RASL12: variants seen among roughly 807,000 people sequenced by gnomAD.
RASL12 encodes the protein ras-like protein family member 12.
In RASL12, 16 loss-of-function variants were observed where a neutral mutation model predicts 22.9. That is an observed-to-expected ratio of 0.70 (90% CI 0.47 to 1.06). The LOEUF is 1.06. RASL12 is among the 50% of genes least tolerant of loss of function. The pLI, the probability that RASL12 is intolerant of heterozygous loss-of-function variation, is 0.00. For missense variants in RASL12, 306 were observed against 353.1 expected, an observed-to-expected ratio of 0.87 and a Z score of 1.07; for synonymous variants, 159 against 152.2, an observed-to-expected ratio of 1.04 and a Z score of -0.33.
chr15:65,064,871 G>A (rs972230331), intron 2 of RASL12, among the ~76,000 whole-genome samples: 14 of 152,224 alleles, frequency 9.2e-5, no homozygotes, highest in African/African-American at 2.7e-4. Flanking sequence ...TGAGATTACA[G>A]GCATTAGCCA....
intron 1 of RASL12, among the ~76,000 whole-genome samples, chr15:65,075,179 C>T (rs1455341412): frequency 6.6e-6 from 1 of 152,232 alleles, no homozygotes; most frequent in Non-Finnish European, 1.5e-5. Flanking sequence ...CCAGTGGCTG[C>T]GGAGGGTGTA....
At position 65,053,543 on chromosome 15, in the gene RASL12, G is replaced by T. The variant is rs2086686403; in HGVS notation, c.*1356C>A. ...CTTGAGTAGTTCACAGCCCCCCTCT[G>T]ACCTCAGCTCCTCCATTTACAGAAT... On this transcript the variant is annotated 3_prime_UTR_variant, in exon 5 of 5. Coordinates refer to ENST00000220062, the MANE Select transcript of RASL12 (RefSeq NM_016563.4). 3.9e-6 allele frequency: 4 copies of T among 1,020,910 alleles called. No homozygotes were observed. The highest frequency in any genetic ancestry group is 4.7e-6 in the Non-Finnish European group (4 of 852,690). 63.2% of individuals were successfully genotyped at this position (1,020,910 alleles called of 1,614,324 possible).
intron 2 of RASL12, among the ~76,000 whole-genome samples, chr15:65,062,328 A>G (rs981899720): frequency 3.3e-5 from 5 of 152,214 alleles, no homozygotes; most frequent in Admixed American, 6.5e-5. Context: ...TTACACAGCC[A>G]GAGCACAGGC....
chr15:65,065,144 C>G, intron 2 of RASL12, 73 bp downstream of exon 2: 1 of 1,465,770 alleles, frequency 6.8e-7, no homozygotes, highest in South Asian at 1.2e-5. Flanking sequence ...CAGTGCCCAC[C>G]CACGGGGTGG....
At chr15:65,059,482 T>C in intron 2 of RASL12, 64 bp from the exon 3 acceptor site, 1 of 1,302,204 alleles carries the variant, frequency 7.7e-7, no homozygotes, top group African/African-American at 1.4e-5. Flanking sequence ...AGCTTCCCTC[T>C]GTGCTAGACC....
the RASL12 span, among the ~76,000 whole-genome samples, chr15:65,045,913 T>A: frequency 6.6e-6 from 1 of 152,056 alleles, no homozygotes; most frequent in South Asian, 2.1e-4. Context: ...CGCCTGTAAT[T>A]CCAGCACTTT....
chr15:65,068,164 G>A (rs555720971), upstream of RASL12: 597 of 1,006,034 alleles, frequency 5.9e-4, 1 homozygote, highest in Non-Finnish European at 6.7e-4. This position sits in a 1 kb window ranked among gnomAD's most constrained non-coding sequence, Gnocchi z 4.2. Flanking sequence ...GGGCCTCGAG[G>A]ACCCTGCCGT....
chr15:65,067,615 T>C (rs1055643029), intron 1 of RASL12, 118 bp downstream of exon 1: 1 of 1,240,850 alleles, frequency 8.1e-7, no homozygotes, highest in South Asian at 1.6e-5. Context: ...GCGACCCTCC[T>C]GGGTGAAGGA....
intron 4 of RASL12, among the ~76,000 whole-genome samples, chr15:65,056,159 G>C (rs2086728769): frequency 6.6e-6 from 1 of 152,162 alleles, no homozygotes; most frequent in Admixed American, 6.5e-5. Context: ...TTGGGGCCAA[G>C]ACTCCACTGG....
At chr15:65,058,283 C>A in intron 4 of RASL12, 144 bp downstream of exon 4, 1 of 645,000 alleles carries the variant, frequency 1.6e-6, no homozygotes, top group Non-Finnish European at 2.3e-6. Flanking sequence ...AACAAACACA[C>A]ACACAAACAA....
At chr15:65,046,179 T>A in the RASL12 span, among the ~76,000 whole-genome samples, 7 of 152,222 alleles carry the variant, frequency 4.6e-5, no homozygotes, top group African/African-American at 1.7e-4. Context: ...CGGGCACCTA[T>A]AATCCCAGCT....
downstream of RASL12, among the ~76,000 whole-genome samples, chr15:65,049,007 C>T (rs1403900996): frequency 2.3e-5 from 2 of 88,608 alleles, no homozygotes; most frequent in African/African-American, 8.9e-5. Flanking sequence ...GAGACTCCGT[C>T]TCAAAAAAAA....
chr15:65,076,645 G>C (rs765621928), exon 1 of RASL12: 1 of 711,976 alleles, frequency 1.4e-6, no homozygotes, highest in East Asian at 2.7e-5. Flanking sequence ...GATGCCCTCC[G>C]GGCCTGCAGC....
intron 3 of RASL12, 40 bp from the exon 4 acceptor site, chr15:65,058,657 G>C (rs748280080): frequency 6.9e-7 from 1 of 1,449,210 alleles, no homozygotes; most frequent in Non-Finnish European, 9.2e-7. Context: ...GGGCAGAGGA[G>C]GTTGGGGTAA....
downstream of RASL12, among the ~76,000 whole-genome samples, chr15:65,050,937 T>C (rs2086645985): frequency 6.9e-6 from 1 of 145,592 alleles, no homozygotes. Context: ...CTCTGCCTCC[T>C]GGATTCAAGT....
At chr15:65,075,789 A>G (rs897984765) in intron 1 of RASL12, among the ~76,000 whole-genome samples, 55 of 149,640 alleles carry the variant, frequency 3.7e-4, no homozygotes, top group African/African-American at 1.3e-3. Flanking sequence ...GAGTGCACCA[A>G]TCAACACTCT....
At chr15:65,069,619 G>C (rs1297402736), upstream of RASL12, among the ~76,000 whole-genome samples, 1 of 152,218 alleles carries the variant, frequency 6.6e-6, no homozygotes, top group African/African-American at 2.4e-5. Context: ...CCAACCAGGA[G>C]ATGGGAGCTG....
At chr15:65,076,500 C>A (rs1566959389) in intron 1 of RASL12, 6 of 685,068 alleles carry the variant, frequency 8.8e-6, no homozygotes, top group Admixed American at 6.3e-5. Context: ...AGACTCCAGA[C>A]ACGCTACCTT....
At chr15:65,048,869 C>T (rs770137174), downstream of RASL12, among the ~76,000 whole-genome samples, 2 of 151,992 alleles carry the variant, frequency 1.3e-5, no homozygotes, top group South Asian at 4.2e-4. Flanking sequence ...ATTAGTGGGG[C>T]GGTAGTGACA....
Sources: gnomAD v4.1 joint callset for allele counts (sites outside exome capture counted in the v4.1 genomes callset) on GRCh38, gnomAD v4.1.1 for gene constraint, Gnocchi (gnomAD v3.1) non-coding constraint, MANE v1.5 for transcripts, NCBI Gene and HGNC (gene_info 2026-07-23, HGNC 2026-07-21) for gene names.